The following RYR2 variants were observed in gnomAD, a reference collection of about 807,000 sequenced individuals.
The protein encoded by RYR2 is cardiac muscle ryanodine receptor-calcium release channel.
A neutral mutation model predicts 601.1 loss-of-function variants in RYR2; 227 were observed. That is an observed-to-expected ratio of 0.38 (90% CI 0.34 to 0.42). The LOEUF (loss-of-function observed/expected upper bound fraction) is 0.42. Ranked by LOEUF, RYR2 falls within the 10% of genes least tolerant of loss-of-function variation. RYR2 has a pLI of 1.00. For missense variants in RYR2, 4,646 were observed against 6,156.5 expected, an observed-to-expected ratio of 0.75 and a Z score of 8.21; for synonymous variants, 2,223 against 2,175.1, an observed-to-expected ratio of 1.02 and a Z score of -0.61.
intron 1 of RYR2, among the ~76,000 whole-genome samples, chr1:237,186,079 G>A (rs1292828340): frequency 6.6e-6 from 1 of 152,178 alleles, no homozygotes; most frequent in Admixed American, 6.5e-5. Context: ...CCTGGGAGCT[G>A]ATTTTTCCCT....
At chr1:237,091,928 A>T (rs1421153824) in intron 1 of RYR2, among the ~76,000 whole-genome samples, 1 of 152,234 alleles carries the variant, frequency 6.6e-6, no homozygotes, top group Non-Finnish European at 1.5e-5. Flanking sequence ...AGAAGATGGG[A>T]ATATGCAGAG....
chr1:237,790,553 C>T (rs1573962440), intron 92 of RYR2, among the ~76,000 whole-genome samples: 2 of 152,056 alleles, frequency 1.3e-5, no homozygotes, highest in East Asian at 1.9e-4. Flanking sequence ...CCCATCCCAC[C>T]TAGAATAAAA....
At chr1:237,417,166 C>A (rs1480193836) in intron 11 of RYR2, 43 bp downstream of exon 11, 5 of 1,451,886 alleles carry the variant, frequency 3.4e-6, no homozygotes, top group Non-Finnish European at 4.8e-6. Flanking sequence ...CCAAGTGTAC[C>A]AAATAGCTCA....
intron 21 of RYR2, among the ~76,000 whole-genome samples, chr1:237,502,502 A>T (rs904892906): frequency 2.6e-5 from 4 of 152,100 alleles, no homozygotes; most frequent in African/African-American, 4.8e-5. Context: ...GAAGGTGGGG[A>T]TGGTTTCAGG....
intron 1 of RYR2, among the ~76,000 whole-genome samples, chr1:237,140,405 A>C (rs1673255538): frequency 6.6e-6 from 1 of 152,216 alleles, no homozygotes; most frequent in African/African-American, 2.4e-5. Flanking sequence ...GTGAATCATC[A>C]CAAATTAAGT....
chr1:237,717,391 C>T lies in RYR2; in HGVS notation c.10494+23C>T, dbSNP rs78665423. On this transcript the variant is annotated intron_variant, in intron 72 of 104. Coordinates refer to ENST00000366574, the MANE Select transcript of RYR2 (RefSeq NM_001035.3). ...CTGGTAAGTCTCCTTTTCATCCCAG[C>T]GGTAATGATCATCTGACCTCCAGAC... The T allele has an allele frequency of 3.5e-3, 5,372 of 1,553,152 alleles. 157 individuals are homozygous for T. The African/African-American group carries it at 0.064, about 19-fold the overall frequency.
intron 80 of RYR2, among the ~76,000 whole-genome samples, chr1:237,753,612 G>C (rs1692708212): frequency 6.6e-6 from 1 of 152,068 alleles, no homozygotes; most frequent in Non-Finnish European, 1.5e-5. Flanking sequence ...TTTGCCTAAG[G>C]GAAAATTTAA....
At chr1:237,738,804 T>C (rs1691364317) in intron 79 of RYR2, among the ~76,000 whole-genome samples, 1 of 152,194 alleles carries the variant, frequency 6.6e-6, no homozygotes, top group Non-Finnish European at 1.5e-5. Flanking sequence ...GAACAGGGAT[T>C]GAATGCCTAT....
chr1:237,664,405 G>A (rs1050165591), intron 56 of RYR2, among the ~76,000 whole-genome samples: 1 of 152,192 alleles, frequency 6.6e-6, no homozygotes, highest in Admixed American at 6.5e-5. Flanking sequence ...CAACATACTT[G>A]AAACTGGGCA....
At chr1:237,065,004 G>A (rs1164217165) in intron 1 of RYR2, among the ~76,000 whole-genome samples, 2 of 151,822 alleles carry the variant, frequency 1.3e-5, no homozygotes, top group African/African-American at 2.4e-5. Context: ...ACGTAACATC[G>A]TATTGTGTGT....
At chr1:237,126,745 T>C (rs1671476052) in intron 1 of RYR2, among the ~76,000 whole-genome samples, 1 of 152,132 alleles carries the variant, frequency 6.6e-6, no homozygotes, top group Admixed American at 6.5e-5. Flanking sequence ...TGTAAAGACT[T>C]ATGGAAAGAA....
At chr1:237,319,461 G>GT (rs767080585) in intron 2 of RYR2, among the ~76,000 whole-genome samples, 5 of 151,970 alleles carry the variant, frequency 3.3e-5, no homozygotes, top group Non-Finnish European at 5.9e-5. Context: ...TTGTTGCTGG[G>GT]TTTTTTTATT....
intron 1 of RYR2, among the ~76,000 whole-genome samples, chr1:237,214,192 A>T (rs376869351): frequency 1.1e-4 from 17 of 152,088 alleles, no homozygotes; most frequent in African/African-American, 3.9e-4. Flanking sequence ...AAGTGCTGGG[A>T]TTACAGGCAT....
At position 237,742,121 on chromosome 1, in the gene RYR2, T is replaced by G. The variant is rs12141832; in HGVS notation, c.11092-175T>G. On this transcript the variant is annotated intron_variant, in intron 79 of 104. Coordinates refer to ENST00000366574, the MANE Select transcript of RYR2 (RefSeq NM_001035.3). The stretch of plus-strand genomic sequence containing the variant: ...TTTTGTAAAAGCACTATATATAATT[T>G]TCATGTCATGAATTCATTGATTATG... Among the ~76,000 whole-genome samples the G allele has an allele frequency of 0.064, 9,684 of 152,294 alleles. 374 individuals carry two copies. The highest frequency in any genetic ancestry group is 0.094 in the South Asian group (452 of 4,820).
chr1:237,474,473 A>G (rs1363676939), intron 17 of RYR2, among the ~76,000 whole-genome samples: 2 of 152,008 alleles, frequency 1.3e-5, no homozygotes, highest in East Asian at 3.9e-4. Context: ...ATACCTTTAC[A>G]GACAACCAGA....
intron 84 of RYR2, among the ~76,000 whole-genome samples, chr1:237,762,212 G>C (rs1693486175): frequency 6.6e-6 from 1 of 152,042 alleles, no homozygotes; most frequent in Admixed American, 6.6e-5. Context: ...TAACTTCTTA[G>C]GTTTTCTGGC....
chr1:237,144,829 G>C (rs547869370), intron 1 of RYR2, among the ~76,000 whole-genome samples: 1 of 152,282 alleles, frequency 6.6e-6, no homozygotes, highest in East Asian at 1.9e-4. Flanking sequence ...ATAAAGTCTA[G>C]TAATAAAGTA....
intron 87 of RYR2, among the ~76,000 whole-genome samples, chr1:237,775,979 G>T (rs1386894161): frequency 6.6e-6 from 1 of 152,138 alleles, no homozygotes; most frequent in Non-Finnish European, 1.5e-5. Flanking sequence ...GTCACATGAG[G>T]GTTGGCCAAA....
chr1:237,084,215 CATGGT>C (rs1234057433), intron 1 of RYR2, among the ~76,000 whole-genome samples: 2 of 152,192 alleles, frequency 1.3e-5, no homozygotes, highest in East Asian at 3.9e-4. Context: ...CCTGGATGCT[CATGGT>C]ATTTCAAATT....
Sources: allele counts gnomAD v4.1 joint callset (sites outside exome capture counted in the v4.1 genomes callset), GRCh38; gene constraint gnomAD v4.1.1; transcripts MANE v1.5; gene names NCBI Gene and HGNC (gene_info 2026-07-23, HGNC 2026-07-21).